MAN1A2: variants seen among roughly 807,000 people sequenced by gnomAD.
MAN1A2 encodes mannosyl-oligosaccharide 1,2-alpha-mannosidase IB.
In MAN1A2, 26 loss-of-function variants were observed where a neutral mutation model predicts 75.7. The observed-to-expected ratio is 0.34, with a 90% confidence interval of 0.25 to 0.48. MAN1A2 has a LOEUF of 0.48. MAN1A2 is among the 20% of genes least tolerant of loss of function. The pLI, the probability that MAN1A2 is intolerant of heterozygous loss-of-function variation, is 0.99. For synonymous variants in MAN1A2, 247 were observed against 264.6 expected (o/e 0.93, Z 0.65); for missense variants, 562 against 775.5 (o/e 0.72, Z 3.27).
intron 8 of MAN1A2, among the ~76,000 whole-genome samples, chr1:117,490,933 C>G (rs2101871089): frequency 6.6e-6 from 1 of 150,722 alleles, no homozygotes; most frequent in Middle Eastern, 3.5e-3. Context: ...AAGGCTCTAG[C>G]TCTCTTCAAT....
intron 1 of MAN1A2, among the ~76,000 whole-genome samples, chr1:117,370,344 A>G (rs767825076): frequency 6.6e-6 from 1 of 152,170 alleles, no homozygotes; most frequent in Non-Finnish European, 1.5e-5. Flanking sequence ...ATAGATTCCA[A>G]TGCAGTTTTT....
chr1:117,422,563 CATT>C (rs549037103), intron 5 of MAN1A2, among the ~76,000 whole-genome samples: 2 of 152,060 alleles, frequency 1.3e-5, no homozygotes, highest in South Asian at 4.1e-4. Flanking sequence ...AATTGCCTCT[CATT>C]GTTGTGAGTA....
Position 117,424,602 on chromosome 1 carries a change from A to G in MAN1A2, c.855+3953A>G, listed in dbSNP as rs138321891. On this transcript the variant is annotated intron_variant, in intron 5 of 12. Transcript: ENST00000356554. ...CATGACTTGGGAAGGAGTGGGATTT[A>G]TGATTTGGACCTCTAGTCTCTTTCA... 3.3e-5 allele frequency among the ~76,000 whole-genome samples: 5 copies of G among 152,216 alleles called. No individual in the cohort carries two copies. The East Asian group carries it at 9.7e-4, about 29-fold the overall frequency.
At chr1:117,408,995 T>G (rs1647717400) in intron 3 of MAN1A2, among the ~76,000 whole-genome samples, 1 of 152,108 alleles carries the variant, frequency 6.6e-6, no homozygotes, top group Non-Finnish European at 1.5e-5. Context: ...TCCCCTTTCA[T>G]TTCTAATATT....
Position 117,442,216 on chromosome 1 carries a change from T to C in MAN1A2, c.856-15T>C. 6.7e-7 allele frequency: 1 copy of C among 1,486,484 alleles called. No homozygotes were observed. Among genetic ancestry groups the C allele is most frequent in the Non-Finnish European group, 9.4e-7 (1 of 1,063,504 alleles). 92.1% of individuals were successfully genotyped at this position (1,486,484 alleles called of 1,614,324 possible). A position where few individuals can be genotyped will look rare whatever the true frequency, so the allele number is the denominator to read the frequency against. On this transcript the variant is annotated splice_polypyrimidine_tract_variant and intron_variant, in intron 5 of 12. Coordinates refer to ENST00000356554, the MANE Select transcript of MAN1A2 (RefSeq NM_006699.5). ...AATGGCTATAATTTATGAATATTCA[T>C]GTTTTAAATCTCAGATATTCAAGAT...
rs578006348 is a variant in MAN1A2 at position 117,428,028 on chromosome 1, G to A, written c.855+7379G>A. Among the ~76,000 whole-genome samples the A allele has an allele frequency of 2.4e-4, 37 of 151,970 alleles. 1 individual carries two copies. The highest frequency in any genetic ancestry group is 3.4e-3 in the Middle Eastern group (1 of 290). ...AGTTAAGGACATAATTAATCCCTGG[G>A]ACAAACATTAAAGAAAAATATTGCA... On this transcript the variant is annotated intron_variant, in intron 5 of 12. Transcript: ENST00000356554.
intron 1 of MAN1A2, among the ~76,000 whole-genome samples, chr1:117,390,046 T>A (rs1487570118): frequency 1.3e-5 from 2 of 152,200 alleles, no homozygotes; most frequent in East Asian, 3.8e-4. Flanking sequence ...TGGTAATTAT[T>A]CTGTAATCTT....
chr1:117,468,594 T>A (rs1328574752), intron 8 of MAN1A2, among the ~76,000 whole-genome samples: 2 of 152,150 alleles, frequency 1.3e-5, no homozygotes, highest in Admixed American at 6.5e-5. Flanking sequence ...GTTGTGGAAT[T>A]ACATATTAAA....
intron 5 of MAN1A2, among the ~76,000 whole-genome samples, chr1:117,425,601 A>T (rs61805766): frequency 1.3e-5 from 2 of 152,050 alleles, no homozygotes; most frequent in Non-Finnish European, 2.9e-5. Context: ...GAAAAACATC[A>T]TATAATCTTA....
At chr1:117,384,886 A>G (rs2101730968) in intron 1 of MAN1A2, among the ~76,000 whole-genome samples, 1 of 152,290 alleles carries the variant, frequency 6.6e-6, no homozygotes, top group Admixed American at 6.5e-5. Flanking sequence ...CCTAGTAGGG[A>G]ACCAGCTGAC....
chr1:117,456,197 A>C (rs190466761), intron 6 of MAN1A2, among the ~76,000 whole-genome samples: 1 of 152,234 alleles, frequency 6.6e-6, no homozygotes, highest in East Asian at 1.9e-4. Context: ...TACAGGTTGA[A>C]CGTTCAAGAG....
intron 1 of MAN1A2, among the ~76,000 whole-genome samples, chr1:117,397,578 T>C (rs1570710177): frequency 6.6e-6 from 1 of 151,770 alleles, no homozygotes; most frequent in African/African-American, 2.4e-5. Context: ...AATTTTAATA[T>C]GGATTTTAAT....
At chr1:117,419,959 T>A (rs1648133324) in intron 4 of MAN1A2, among the ~76,000 whole-genome samples, 1 of 152,068 alleles carries the variant, frequency 6.6e-6, no homozygotes, top group South Asian at 2.1e-4. Context: ...ACTTCTACTT[T>A]AAAAATTTTT....
intron 6 of MAN1A2, among the ~76,000 whole-genome samples, chr1:117,442,833 T>C (rs1216988781): frequency 6.6e-6 from 1 of 152,204 alleles, no homozygotes; most frequent in Non-Finnish European, 1.5e-5. Flanking sequence ...TTATAGCATC[T>C]ACACTAGTGA....
Position 117,522,676 on chromosome 1 carries a change from C to T in MAN1A2, c.1794-149C>T, listed in dbSNP as rs900325801. The T allele has an allele frequency of 1.4e-5, 9 of 661,396 alleles. No homozygotes were observed. In the African/African-American group the frequency reaches 1.4e-4, roughly 11 times the overall value. 41.0% of individuals were successfully genotyped at this position (661,396 alleles called of 1,614,324 possible). ...AAACCTCTTGTCTTTGTGTTTAGAT[C>T]ATTTGGGTGTCTGAGGTTTATTTCT... On this transcript the variant is annotated intron_variant, in intron 12 of 12. Coordinates refer to ENST00000356554, the MANE Select transcript of MAN1A2 (RefSeq NM_006699.5).
chr1:117,456,227 A>G (rs1350176908), intron 6 of MAN1A2, among the ~76,000 whole-genome samples: 2 of 152,068 alleles, frequency 1.3e-5, no homozygotes, highest in Non-Finnish European at 2.9e-5. Context: ...TTGTTAAGCA[A>G]ATTTGGTAGT....
chr1:117,460,625 G>A lies in MAN1A2; in HGVS notation c.1074+13G>A. 6.3e-7 allele frequency: 1 copy of A among 1,595,990 alleles called. No individual in the cohort carries two copies. Among genetic ancestry groups the A allele is most frequent in the Non-Finnish European group, 8.5e-7 (1 of 1,173,542 alleles). Reference sequence around the variant, plus strand: ...TTACTACAAAAAGGTTTGTTTTCTTGCCTTCTATTCTTTGTTTGTTATAAA... The same window carrying A: ...TTACTACAAAAAGGTTTGTTTTCTTACCTTCTATTCTTTGTTTGTTATAAA... On this transcript the variant is annotated intron_variant, in intron 7 of 12. Transcript: ENST00000356554.
At position 117,525,171 on chromosome 1, in the gene MAN1A2, A is replaced by T. The variant is rs1192969453; in HGVS notation, c.*2214A>T. 1.9e-6 allele frequency: 1 copy of T among 520,294 alleles called. No homozygotes were observed. Among genetic ancestry groups the T allele is most frequent in the South Asian group, 1.5e-5 (1 of 68,718 alleles). 32.2% of individuals were successfully genotyped at this position (520,294 alleles called of 1,614,324 possible). The stretch of plus-strand genomic sequence containing the variant: ...ACCCAGATGACTGAAGCTTAAGAGA[A>T]GGCAGGGAAGTATACAAGCAGAGCC... On this transcript the variant is annotated 3_prime_UTR_variant, in exon 13 of 13. Transcript: ENST00000356554.
intron 1 of MAN1A2, among the ~76,000 whole-genome samples, chr1:117,378,366 T>C (rs1653223995): frequency 1.3e-5 from 2 of 152,198 alleles, no homozygotes; most frequent in African/African-American, 2.4e-5. Context: ...TTAAACATTA[T>C]TTATCATTCT....
Sources: allele counts gnomAD v4.1 joint callset (sites outside exome capture counted in the v4.1 genomes callset), GRCh38; gene constraint gnomAD v4.1.1; transcripts MANE v1.5; gene names NCBI Gene and HGNC (gene_info 2026-07-23, HGNC 2026-07-21).